The following OSCP1 variants were observed in gnomAD, a reference collection of about 807,000 sequenced individuals.
The protein encoded by OSCP1 is protein OSCP1.
OSCP1 carries 35 observed loss-of-function variants against 45.1 expected under a neutral mutation model. That is an observed-to-expected ratio of 0.78 (90% CI 0.59 to 1.03). The LOEUF is 1.03. Among genes scored for constraint, OSCP1 ranks in the 50% least tolerant of loss-of-function variants. The pLI is 0.00. For missense variants in OSCP1, 400 were observed against 470.7 expected, an observed-to-expected ratio of 0.85 and a Z score of 1.39; for synonymous variants, 179 against 180.1, an observed-to-expected ratio of 0.99 and a Z score of 0.05.
intron 2 of OSCP1, among the ~76,000 whole-genome samples, chr1:36,435,787 C>G (rs1034355458): frequency 4.6e-5 from 7 of 152,076 alleles, no homozygotes; most frequent in African/African-American, 1.7e-4. Flanking sequence ...CACTTGCCAC[C>G]ATGCCCAGCT....
chr1:36,434,570 T>C (rs973216402), intron 2 of OSCP1, among the ~76,000 whole-genome samples: 5 of 151,902 alleles, frequency 3.3e-5, no homozygotes, highest in Non-Finnish European at 7.4e-5. Flanking sequence ...GCCAACATGT[T>C]GAAACCCCAT....
intron 1 of OSCP1, among the ~76,000 whole-genome samples, chr1:36,449,756 G>C (rs1353414537): frequency 1.4e-5 from 2 of 139,748 alleles, no homozygotes; most frequent in African/African-American, 5.5e-5. Context: ...AGAATCGCTG[G>C]AACCCAGGAG....
chr1:36,421,135 T>C (rs1647594592), intron 7 of OSCP1, among the ~76,000 whole-genome samples: 1 of 152,100 alleles, frequency 6.6e-6, no homozygotes, highest in Non-Finnish European at 1.5e-5. Context: ...ACCAGTTACC[T>C]AAATGCAGTT....
intron 1 of OSCP1, among the ~76,000 whole-genome samples, chr1:36,443,263 C>G (rs1235192327): frequency 2.0e-5 from 3 of 152,098 alleles, no homozygotes; most frequent in African/African-American, 4.8e-5. Flanking sequence ...TGCACCTGGC[C>G]TCTTAAATAT....
chr1:36,423,488 G>C, intron 4 of OSCP1, 22 bp from the exon 5 acceptor site: 3 of 1,550,638 alleles, frequency 1.9e-6, no homozygotes, highest in Non-Finnish European at 2.7e-6. Context: ...TACATTTATT[G>C]TCATTTTTCT....
At chr1:36,433,110 T>A (rs1329529211) in intron 2 of OSCP1, among the ~76,000 whole-genome samples, 1 of 152,142 alleles carries the variant, frequency 6.6e-6, no homozygotes, top group Non-Finnish European at 1.5e-5. Context: ...TTCTACAACT[T>A]TATAAGAATC....
chr1:36,429,967 T>A (rs997549084), intron 4 of OSCP1, among the ~76,000 whole-genome samples: 1 of 151,974 alleles, frequency 6.6e-6, no homozygotes, highest in African/African-American at 2.4e-5. Flanking sequence ...CCTGGCTAAT[T>A]TTTGTATTTT....
At chr1:36,421,756 A>G (rs1335642444) in intron 7 of OSCP1, among the ~76,000 whole-genome samples, 4 of 152,250 alleles carry the variant, frequency 2.6e-5, no homozygotes, top group African/African-American at 9.6e-5. Context: ...CAGAGAAACT[A>G]AAACCCCCCA....
chr1:36,426,670 T>A (rs940647422), intron 4 of OSCP1, among the ~76,000 whole-genome samples: 1 of 152,196 alleles, frequency 6.6e-6, no homozygotes, highest in African/African-American at 2.4e-5. Context: ...AAGCCTCCTG[T>A]CTGGTCTCCC....
At chr1:36,429,472 T>C (rs1172470146) in intron 4 of OSCP1, among the ~76,000 whole-genome samples, 1 of 150,782 alleles carries the variant, frequency 6.6e-6, no homozygotes, top group African/African-American at 2.4e-5. Context: ...ATCAGTTGGT[T>C]AAATTGTGGC....
At chr1:36,434,127 G>C (rs1225258089) in intron 2 of OSCP1, among the ~76,000 whole-genome samples, 1 of 152,136 alleles carries the variant, frequency 6.6e-6, no homozygotes, top group Non-Finnish European at 1.5e-5. Flanking sequence ...TGTGGGAGCG[G>C]AAGAGCCAGG....
intron 8 of OSCP1, 30 bp downstream of exon 8, chr1:36,420,446 T>C (rs1274443186): frequency 3.1e-6 from 5 of 1,591,918 alleles, no homozygotes. Flanking sequence ...GATTTTTATA[T>C]GTCTTTAACG....
At chr1:36,420,271 C>G in intron 8 of OSCP1, 1 of 622,858 alleles carries the variant, frequency 1.6e-6, no homozygotes, top group Non-Finnish European at 2.5e-6. Context: ...CCACTGCACC[C>G]GGCCCCATCT....
chr1:36,423,023 GTAATAA>G (rs3052825), intron 5 of OSCP1, 127 bp from the exon 6 acceptor site: 61 of 524,550 alleles, frequency 1.2e-4, no homozygotes, highest in East Asian at 4.1e-4. Context: ...GGTGCTGGTT[GTAATAA>G]TAATAATAAT....
At chr1:36,426,471 C>G (rs1317466049) in intron 4 of OSCP1, among the ~76,000 whole-genome samples, 5 of 152,276 alleles carry the variant, frequency 3.3e-5, no homozygotes, top group Non-Finnish European at 5.9e-5. Flanking sequence ...TGGCACTGAC[C>G]CATCCATCCC....
rs774873931 is a variant in OSCP1 at position 36,431,828 on chromosome 1, TGAG to T, written c.487_489del (p.Leu163del). ...CGGATGTGCAGGTCTTGGAAGAAGATGAGGAGTGTCTGCCGGATCAGCTGGAAC... is the reference window on the plus strand; with the variant it reads ...CGGATGTGCAGGTCTTGGAAGAAGATGAGTGTCTGCCGGATCAGCTGGAAC... On this transcript the variant is annotated inframe_deletion, in exon 4 of 10. Transcript: ENST00000235532. 1 of 1,613,712 alleles carries T rather than the reference TGAG, an allele frequency of 6.2e-7. No individual in the cohort carries two copies. Among genetic ancestry groups the T allele is most frequent in the South Asian group, 1.1e-5 (1 of 91,074 alleles).
intron 2 of OSCP1, among the ~76,000 whole-genome samples, chr1:36,436,279 T>A (rs1349335546): frequency 2.6e-5 from 4 of 151,466 alleles, no homozygotes; most frequent in Non-Finnish European, 5.9e-5. Flanking sequence ...AATTTTTTTT[T>A]TTTTGTATTT....
intron 1 of OSCP1, among the ~76,000 whole-genome samples, chr1:36,448,113 T>C (rs1446954391): frequency 6.6e-6 from 1 of 152,244 alleles, no homozygotes; most frequent in African/African-American, 2.4e-5. Context: ...TGCTTTAACA[T>C]ATATGTATTA....
At chr1:36,433,330 CAG>C (rs1206263269) in intron 2 of OSCP1, among the ~76,000 whole-genome samples, 1 of 152,156 alleles carries the variant, frequency 6.6e-6, no homozygotes, top group African/African-American at 2.4e-5. Context: ...TTGAGGGAAA[CAG>C]TACATGTGAG....
Sources: gnomAD v4.1 joint callset for allele counts (sites outside exome capture counted in the v4.1 genomes callset) on GRCh38, gnomAD v4.1.1 for gene constraint, MANE v1.5 for transcripts, NCBI Gene and HGNC (gene_info 2026-07-23, HGNC 2026-07-21) for gene names.